NAP1L4: variants seen among roughly 807,000 people sequenced by gnomAD.
NAP1L4 encodes nucleosome assembly protein 1-like 4.
A neutral mutation model predicts 58.2 loss-of-function variants in NAP1L4; 15 were observed. That is an observed-to-expected ratio of 0.26 (90% CI 0.17 to 0.40). The LOEUF is 0.40. NAP1L4 is among the 10% of genes least tolerant of loss of function. NAP1L4 has a pLI of 1.00. For synonymous variants in NAP1L4, 171 were observed against 155.6 expected (o/e 1.10, Z -0.74); for missense variants, 384 against 451.1 (o/e 0.85, Z 1.35).
rs370842527 is a variant in NAP1L4 at position 2,969,911 on chromosome 11, G to A, written c.426C>T (p.Val142=). 35 of 1,613,032 alleles carry A rather than the reference G, an allele frequency of 2.2e-5. No homozygotes were observed. In the East Asian group the frequency reaches 2.7e-4, roughly 12 times the overall value. ...CCGTTGCCGCTGCTTTTTCTGTGAC[G>A]ACTACTTTACTTTTCATGTCTCCCT... is the stretch of plus-strand genomic sequence containing the variant. ...KLAGDMKSKV[V]VTEKAAATAE... The change falls in exon 7 of 16, where the codon GTC becomes GTT. Residue 142 remains valine, a synonymous_variant. Coordinates refer to ENST00000380542, the MANE Select transcript of NAP1L4 (RefSeq NM_005969.4).
At chr11:2,950,127 G>A (rs570522747) in intron 14 of NAP1L4, among the ~76,000 whole-genome samples, 20 of 152,306 alleles carry the variant, frequency 1.3e-4, no homozygotes, top group African/African-American at 3.1e-4. Context: ...TGTGATGCAC[G>A]CAAGGCAGAC....
Position 2,954,527 on chromosome 11 carries a change from A to G in NAP1L4, c.1035T>C (p.Asn345=), listed in dbSNP as rs778586154. 6.8e-6 allele frequency: 11 copies of G among 1,614,062 alleles called. No homozygotes were observed. Among genetic ancestry groups the G allele is most frequent in the Admixed American group, 1.7e-5 (1 of 60,006 alleles). The part of the protein sequence containing the change: ...FTGEAIEDDD[N]FEEGEEGEEE... ...AGCCCCCCTTCCCCGAGCCTCATAC[A>G]TTGTCATCATCTTCTATGGCCTCCC... Residue 345 remains asparagine (N), a splice_region_variant and synonymous_variant, in exon 12 of 16, where the codon AAT becomes AAC. Coordinates refer to ENST00000380542, the MANE Select transcript of NAP1L4 (RefSeq NM_005969.4). The surrounding 1 kb of genome is among the most constrained non-coding windows in gnomAD (Gnocchi z 4.8).
chr11:2,957,139 T>C (rs1380631250), intron 10 of NAP1L4, among the ~76,000 whole-genome samples: 2 of 152,060 alleles, frequency 1.3e-5, no homozygotes, highest in East Asian at 1.9e-4. Context: ...ATCCTAAAAA[T>C]TATTTTTAAA....
chr11:2,986,710 T>C (rs1476627891), intron 1 of NAP1L4, among the ~76,000 whole-genome samples: 1 of 149,400 alleles, frequency 6.7e-6, no homozygotes, highest in East Asian at 2.0e-4. Flanking sequence ...CACTGCAACC[T>C]CCACCTCCCA....
chr11:2,950,484 C>T (rs1846166823), intron 14 of NAP1L4, among the ~76,000 whole-genome samples: 1 of 152,168 alleles, frequency 6.6e-6, no homozygotes, highest in African/African-American at 2.4e-5. Context: ...CGGACAGAGA[C>T]ACATTACAAA....
Position 2,969,886 on chromosome 11 carries a change from C to A in NAP1L4, c.451G>T (p.Ala151Ser), listed in dbSNP as rs756799584. 9 of 1,613,784 alleles carry A rather than the reference C, an allele frequency of 5.6e-6. No individual in the cohort carries two copies. The highest frequency in any genetic ancestry group is 1.7e-4 in the Middle Eastern group (1 of 6,060). ...VVVTEKAAATAEEPDPKGIPE... is the reference protein window; with the variant it reads ...VVVTEKAAATSEEPDPKGIPE... ...ATTCCTTTGGGATCTGGCTCTTCAGCCGTTGCCGCTGCTTTTTCTGTGACG... is the reference window on the plus strand; with the variant it reads ...ATTCCTTTGGGATCTGGCTCTTCAGACGTTGCCGCTGCTTTTTCTGTGACG... The change falls in exon 7 of 16, where the codon GCT (alanine) becomes TCT (serine). Residue 151 changes from alanine to serine, a missense_variant. This residue lies in a region of NAP1L4 where 296 missense variants were observed against 360.8 expected (regional missense o/e 0.82). Coordinates refer to ENST00000380542, the MANE Select transcript of NAP1L4 (RefSeq NM_005969.4).
rs1846742795 is a variant in NAP1L4, at chr11:2,959,685, T to C, written c.746+85A>G. 1.3e-6 allele frequency: 2 copies of C among 1,501,054 alleles called. No homozygotes were observed. The highest frequency in any genetic ancestry group is 1.8e-6 in the Non-Finnish European group (2 of 1,093,614). 93.0% of individuals were successfully genotyped at this position (1,501,054 alleles called of 1,614,324 possible). On this transcript the variant is annotated intron_variant, in intron 9 of 15. Coordinates refer to ENST00000380542, the MANE Select transcript of NAP1L4 (RefSeq NM_005969.4). The surrounding 1 kb of genome is among the most constrained non-coding windows in gnomAD (Gnocchi z 4.9). Reference sequence around the variant, plus strand: ...AAGCAGACTCAAGACTGTACTTTATTCCTTACTTCTATCTTACCCATCAAG... The same window carrying C: ...AAGCAGACTCAAGACTGTACTTTATCCCTTACTTCTATCTTACCCATCAAG...
chr11:2,969,967 T>C (rs1385045239), intron 6 of NAP1L4, 33 bp from the exon 7 acceptor site: 1 of 1,593,836 alleles, frequency 6.3e-7, no homozygotes, highest in Admixed American at 1.8e-5. Context: ...GTAACGAAAA[T>C]AAAAGTTTAC....
At position 2,951,919 on chromosome 11, in the gene NAP1L4, G is replaced by A. The variant is rs1409871112; in HGVS notation, c.1036-110C>T. 3 of 1,069,934 alleles carry A rather than the reference G, an allele frequency of 2.8e-6. No individual in the cohort carries two copies. The highest frequency in any genetic ancestry group is 1.6e-5 in the African/African-American group (1 of 64,252). The allele number at this position is 1,069,934 out of a possible 1,614,324, so 66.3% of individuals were successfully genotyped here. A position where few individuals can be genotyped will look rare whatever the true frequency, so the allele number is the denominator to read the frequency against. On this transcript the variant is annotated intron_variant, in intron 12 of 15. Transcript: ENST00000380542. This position sits in a 1 kb window ranked among gnomAD's most constrained non-coding sequence, Gnocchi z 4.0. ...TGACCAAGCCTAAGAGGAGCAGAAA[G>A]TCCAGCCACGCTGCCTGCTGGGCCT...
chr11:2,950,593 T>C (rs969754019), intron 14 of NAP1L4, among the ~76,000 whole-genome samples: 4 of 152,258 alleles, frequency 2.6e-5, no homozygotes, highest in African/African-American at 9.6e-5. Context: ...GAAACTCTTA[T>C]GATGCTGTAG....
intron 12 of NAP1L4, among the ~76,000 whole-genome samples, chr11:2,953,411 T>G (rs920588416): frequency 5.3e-5 from 8 of 152,246 alleles, no homozygotes; most frequent in African/African-American, 1.9e-4. Context: ...AATGTTCAGT[T>G]CTTCAGTCTC....
chr11:2,949,080 T>C lies in NAP1L4; in HGVS notation c.*32+147A>G. 1 of 605,732 alleles carries C rather than the reference T, an allele frequency of 1.7e-6. No homozygotes were observed. The highest frequency in any genetic ancestry group is 2.9e-6 in the Non-Finnish European group (1 of 346,932). 37.5% of individuals were successfully genotyped at this position (605,732 alleles called of 1,614,324 possible). A position where few individuals can be genotyped will look rare whatever the true frequency, so the allele number is the denominator to read the frequency against. On this transcript the variant is annotated intron_variant, in intron 15 of 15. Coordinates refer to ENST00000380542, the MANE Select transcript of NAP1L4 (RefSeq NM_005969.4). This position sits in a 1 kb window ranked among gnomAD's most constrained non-coding sequence, Gnocchi z 4.0. ...AGGTTTGGTTCGTTGATTTTAAAAG[T>C]ACATGTAACAGACACCTATGTCAAA...
In NAP1L4 at chr11:2,971,870, C is replaced by T. The variant is rs989121643; in HGVS notation, c.315+232G>A. On this transcript the variant is annotated intron_variant, in intron 5 of 15. Transcript: ENST00000380542. The surrounding 1 kb of genome is among the most constrained non-coding windows in gnomAD (Gnocchi z 4.2). The stretch of plus-strand genomic sequence containing the variant: ...TCTCTGTGTAGGGTTCAATACATTA[C>T]GCGAGATACTCAGCACTTTATTATA... 1.3e-4 allele frequency among the ~76,000 whole-genome samples: 20 copies of T among 152,122 alleles called. No homozygotes were observed. The highest frequency in any genetic ancestry group is 1.2e-3 in the Admixed American group (18 of 15,276).
chr11:2,989,303 A>G (rs1052647738), intron 1 of NAP1L4: 2 of 152,182 alleles, frequency 1.3e-5, no homozygotes, highest in Non-Finnish European at 2.9e-5. Context: ...TTCCTTAGCT[A>G]GCAATCTCAG....
chr11:2,959,644 A>G lies in NAP1L4; in HGVS notation c.746+126T>C. On this transcript the variant is annotated intron_variant, in intron 9 of 15. Coordinates refer to ENST00000380542, the MANE Select transcript of NAP1L4 (RefSeq NM_005969.4). The surrounding 1 kb of genome is among the most constrained non-coding windows in gnomAD (Gnocchi z 4.9). ...AAGACTATTGAAATATACATCTACC[A>G]GGCTTTTAGGCTTTTAAGCAGACTC... 1 of 1,097,240 alleles carries G rather than the reference A, an allele frequency of 9.1e-7. No homozygotes were observed. The highest frequency in any genetic ancestry group is 1.3e-6 in the Non-Finnish European group (1 of 776,704). The allele number at this position is 1,097,240 out of a possible 1,614,324, so 68.0% of individuals were successfully genotyped here. A position where few individuals can be genotyped will look rare whatever the true frequency, so the allele number is the denominator to read the frequency against.
chr11:2,982,669 C>T (rs1171450724), intron 1 of NAP1L4, among the ~76,000 whole-genome samples: 1 of 152,200 alleles, frequency 6.6e-6, no homozygotes, highest in Non-Finnish European at 1.5e-5. Flanking sequence ...CTCCTTCTAA[C>T]CTTTCCCTAG....
At chr11:2,961,077 G>A (rs889866680) in intron 8 of NAP1L4, among the ~76,000 whole-genome samples, 3 of 152,078 alleles carry the variant, frequency 2.0e-5, no homozygotes, top group African/African-American at 7.2e-5. Context: ...GGCAAGGCTG[G>A]CTAAATGTCA....
intron 1 of NAP1L4, among the ~76,000 whole-genome samples, chr11:2,986,626 ATT>A (rs66494210): frequency 3.6e-5 from 5 of 139,702 alleles, no homozygotes; most frequent in African/African-American, 2.7e-5. Context: ...ATGGTAGTAA[ATT>A]TTTTTTTTTT....
chr11:2,987,704 C>A (rs1848720033), intron 1 of NAP1L4, among the ~76,000 whole-genome samples: 1 of 145,372 alleles, frequency 6.9e-6, no homozygotes, highest in African/African-American at 2.6e-5. Context: ...CTGCAGTGAG[C>A]CGAGATCGCG....
Sources: allele counts gnomAD v4.1 joint callset (sites outside exome capture counted in the v4.1 genomes callset), GRCh38; gene constraint gnomAD v4.1.1; regional missense constraint gnomAD v4.1.1; non-coding constraint Gnocchi (gnomAD v3.1); transcripts MANE v1.5; gene names NCBI Gene and HGNC (gene_info 2026-07-23, HGNC 2026-07-21).